Variants in LRFN5 observed in about 807,000 individuals in gnomAD.
LRFN5 encodes the protein leucine-rich repeat and fibronectin type-III domain-containing protein 5.
A neutral mutation model predicts 45.6 loss-of-function variants in LRFN5; 24 were observed. That is an observed-to-expected ratio of 0.53 (90% CI 0.38 to 0.74). LRFN5 has a LOEUF of 0.74. LRFN5 is among the 30% of genes least tolerant of loss of function. The probability of loss-of-function intolerance (pLI) is 0.00; values close to 1 mark genes in which losing one functional copy is unlikely to be tolerated. For missense variants in LRFN5, 776 were observed against 861.5 expected, an observed-to-expected ratio of 0.90 and a Z score of 1.24; for synonymous variants, 340 against 313.8, an observed-to-expected ratio of 1.08 and a Z score of -0.88.
intron 1 of LRFN5, among the ~76,000 whole-genome samples, chr14:41,633,208 T>A (rs1888610892): frequency 6.6e-6 from 1 of 152,060 alleles, no homozygotes; most frequent in African/African-American, 2.4e-5. Context: ...ATATTCAGAT[T>A]AAATTTTTCA....
chr14:41,651,957 T>C (rs1880143999), intron 1 of LRFN5, among the ~76,000 whole-genome samples: 1 of 152,076 alleles, frequency 6.6e-6, no homozygotes, highest in Admixed American at 6.6e-5. Flanking sequence ...CTCCACTTCT[T>C]GTATCAATAC....
At chr14:41,709,475 C>A (rs1447980002) in intron 1 of LRFN5, among the ~76,000 whole-genome samples, 1 of 152,038 alleles carries the variant, frequency 6.6e-6, no homozygotes, top group African/African-American at 2.4e-5. Context: ...CAGGGAAATA[C>A]TTCATACATT....
intron 1 of LRFN5, among the ~76,000 whole-genome samples, chr14:41,704,502 T>G (rs375800210): frequency 4.0e-4 from 59 of 147,364 alleles, no homozygotes; most frequent in African/African-American, 1.4e-3. Context: ...CAGGCTGCAG[T>G]GCATTGGCTA....
At chr14:41,750,122 G>T (rs544196449) in intron 1 of LRFN5, among the ~76,000 whole-genome samples, 31 of 151,774 alleles carry the variant, frequency 2.0e-4, no homozygotes, top group African/African-American at 6.8e-4. Context: ...TAGAAAAATT[G>T]TGTGTAAGTA....
chr14:41,794,346 A>T (rs940966768), intron 2 of LRFN5, among the ~76,000 whole-genome samples: 1 of 152,052 alleles, frequency 6.6e-6, no homozygotes, highest in Non-Finnish European at 1.5e-5. Context: ...CTTGTAAATT[A>T]TTCTTCCTTT....
intron 1 of LRFN5, among the ~76,000 whole-genome samples, chr14:41,714,676 C>G (rs1883417968): frequency 6.6e-6 from 1 of 152,058 alleles, no homozygotes; most frequent in Non-Finnish European, 1.5e-5. Flanking sequence ...GAGGCCAAGG[C>G]AGGCAAATTG....
chr14:41,809,203 A>G, intron 2 of LRFN5, among the ~76,000 whole-genome samples: 1 of 152,104 alleles, frequency 6.6e-6, no homozygotes, highest in East Asian at 1.9e-4. Context: ...CATTAGTAGG[A>G]AAGTGATTAA....
In LRFN5 at chr14:41,660,889, T is replaced by C. The variant is rs929105961; in HGVS notation, c.-197+52327T>C. Among the ~76,000 whole-genome samples, 6 of 151,610 alleles carry C rather than the reference T, an allele frequency of 4.0e-5. No homozygotes were observed. In the South Asian group the frequency reaches 8.3e-4, roughly 21 times the overall value. On this transcript the variant is annotated intron_variant, in intron 1 of 5. Transcript: ENST00000298119. ...CATAGTTAAATAAATTAAGATACTT[T>C]GGCCAAGTTCAAACAGCCATTACTG...
At position 41,847,894 on chromosome 14, in the gene LRFN5, TCAAA is replaced by T. The variant is rs542863252; in HGVS notation, c.-20-38709_-20-38706del. 3.0e-3 allele frequency among the ~76,000 whole-genome samples: 463 copies of T among 152,254 alleles called. 2 individuals carry two copies. Among genetic ancestry groups the T allele is most frequent in the African/African-American group, 0.011 (448 of 41,572 alleles). ...TATATAAACACGTCATGAGGAAGTTTCAAACACTTTCTCAATGACCACAAGTTAC... is the reference window on the plus strand; with the variant it reads ...TATATAAACACGTCATGAGGAAGTTTCACTTTCTCAATGACCACAAGTTAC... On this transcript the variant is annotated intron_variant, in intron 2 of 5. Transcript: ENST00000298119.
intron 1 of LRFN5, among the ~76,000 whole-genome samples, chr14:41,641,419 A>G (rs1012178112): frequency 6.6e-6 from 1 of 152,078 alleles, no homozygotes; most frequent in Admixed American, 6.6e-5. Context: ...GGATGGGAAG[A>G]CTAACATTTT....
intron 1 of LRFN5, among the ~76,000 whole-genome samples, chr14:41,747,849 C>T (rs962081212): frequency 2.6e-5 from 4 of 151,812 alleles, no homozygotes; most frequent in African/African-American, 7.3e-5. Context: ...AGATGAAGGC[C>T]TTCAACAGGC....
intron 2 of LRFN5, among the ~76,000 whole-genome samples, chr14:41,809,056 C>T (rs1887649326): frequency 6.6e-6 from 1 of 152,070 alleles, no homozygotes; most frequent in Non-Finnish European, 1.5e-5. Flanking sequence ...AGGACATTTC[C>T]TATCCTCAGA....
chr14:41,751,408 A>T (rs746994698), intron 1 of LRFN5, among the ~76,000 whole-genome samples: 1 of 152,164 alleles, frequency 6.6e-6, no homozygotes, highest in African/African-American at 2.4e-5. Context: ...AATTGAAATT[A>T]TAATCCTTCC....
intron 1 of LRFN5, among the ~76,000 whole-genome samples, chr14:41,656,478 C>T (rs1447579): frequency 0.29 from 44,402 of 151,682 alleles, 6,682 homozygotes; most frequent in South Asian, 0.36. Context: ...GAGACCTGAT[C>T]AGCTTTATTG....
intron 2 of LRFN5, among the ~76,000 whole-genome samples, chr14:41,788,042 C>T (rs995170854): frequency 3.9e-5 from 6 of 152,046 alleles, no homozygotes; most frequent in African/African-American, 1.4e-4. Flanking sequence ...GGAAAAGAGC[C>T]CTCACCAGAA....
chr14:41,769,218 A>C (rs947718064), intron 2 of LRFN5, among the ~76,000 whole-genome samples: 15 of 152,318 alleles, frequency 9.8e-5, no homozygotes, highest in Admixed American at 7.2e-4. Flanking sequence ...AGAGTGAAAC[A>C]GTGAATGGAG....
chr14:41,781,951 A>C (rs1052681605), intron 2 of LRFN5, among the ~76,000 whole-genome samples: 1 of 151,982 alleles, frequency 6.6e-6, no homozygotes, highest in East Asian at 1.9e-4. Context: ...TTTCCCTCTG[A>C]TTTGTTTCAA....
At chr14:41,850,531 A>G (rs1293967696) in intron 2 of LRFN5, among the ~76,000 whole-genome samples, 1 of 151,910 alleles carries the variant, frequency 6.6e-6, no homozygotes, top group Non-Finnish European at 1.5e-5. Context: ...ATATTATGGG[A>G]CTACATACCA....
In LRFN5 at chr14:41,818,226, G is replaced by C. The variant is rs1010349807; in HGVS notation, c.-21+51197G>C. Among the ~76,000 whole-genome samples, 5 of 151,482 alleles carry C rather than the reference G, an allele frequency of 3.3e-5. No individual in the cohort carries two copies. The South Asian group carries it at 1.0e-3, about 32-fold the overall frequency. ...CATTGCCATTTCATTCTATTTCCTGGATAAATACTTAACTGTATCTTCAAC... is the reference window on the plus strand; with the variant it reads ...CATTGCCATTTCATTCTATTTCCTGCATAAATACTTAACTGTATCTTCAAC... On this transcript the variant is annotated intron_variant, in intron 2 of 5. Transcript: ENST00000298119.
Sources: allele counts gnomAD v4.1 joint callset (sites outside exome capture counted in the v4.1 genomes callset), GRCh38; gene constraint gnomAD v4.1.1; transcripts MANE v1.5; gene names NCBI Gene and HGNC (gene_info 2026-07-23, HGNC 2026-07-21).